NETO1: variants seen among roughly 807,000 people sequenced by gnomAD.
NETO1 encodes the protein neuropilin and tolloid like 1, also known as neuropilin and tolloid-like protein 1.
A neutral mutation model predicts 61.3 loss-of-function variants in NETO1; 26 were observed. The observed-to-expected ratio is 0.42, with a 90% CI of 0.31 to 0.59. NETO1 has a LOEUF of 0.59. NETO1 is among the 20% of genes least tolerant of loss of function. The pLI, the probability that NETO1 is intolerant of heterozygous loss-of-function variation, is 0.12. For missense variants in NETO1, 531 were observed against 662.8 expected (o/e 0.80, Z 2.18); for synonymous variants, 225 against 225.8 (o/e 1.00, Z 0.03).
intron 4 of NETO1, among the ~76,000 whole-genome samples, chr18:72,800,301 A>C (rs1308272796): frequency 6.6e-6 from 1 of 152,242 alleles, no homozygotes; most frequent in African/African-American, 2.4e-5. Context: ...AAATCTCCAT[A>C]CGTGCTGGAT....
intron 7 of NETO1, among the ~76,000 whole-genome samples, chr18:72,766,230 G>A (rs1000652370): frequency 4.9e-5 from 6 of 121,262 alleles, no homozygotes; most frequent in Non-Finnish European, 8.0e-5. Context: ...ATGTGTGTGT[G>A]TGTGTGTGTG....
chr18:72,821,575 A>AAAT (rs2145299747), intron 4 of NETO1, among the ~76,000 whole-genome samples: 1 of 151,736 alleles, frequency 6.6e-6, no homozygotes, highest in African/African-American at 2.4e-5. Flanking sequence ...AAAAAAAAAA[A>AAAT]AAGGAATCCT....
At chr18:72,758,958 T>A (rs993481112) in intron 7 of NETO1, among the ~76,000 whole-genome samples, 7 of 152,198 alleles carry the variant, frequency 4.6e-5, no homozygotes, top group Non-Finnish European at 1.0e-4. Context: ...TATATTGGGT[T>A]CCGAATTTCC....
At position 72,832,384 on chromosome 18, in the gene NETO1, A is replaced by T. The variant is rs186173051; in HGVS notation, c.469+26442T>A. Among the ~76,000 whole-genome samples, 188 of 152,330 alleles carry T rather than the reference A, an allele frequency of 1.2e-3. 1 individual carries two copies. The South Asian group carries it at 0.023, about 18-fold the overall frequency. Reference sequence around the variant, plus strand: ...AATTAGAGAAAGGTGCATTACACTCATAAAGATCAAGTTTTTTTCTTTTTC... The same window carrying T: ...AATTAGAGAAAGGTGCATTACACTCTTAAAGATCAAGTTTTTTTCTTTTTC... On this transcript the variant is annotated intron_variant, in intron 4 of 10. Coordinates refer to ENST00000327305, the MANE Select transcript of NETO1 (RefSeq NM_138966.5).
rs2145387367 is a variant in NETO1 at position 72,830,873 on chromosome 18, T to C, written c.469+27953A>G. On this transcript the variant is annotated intron_variant, in intron 4 of 10. Coordinates refer to ENST00000327305, the MANE Select transcript of NETO1 (RefSeq NM_138966.5). This position sits in a 1 kb window ranked among gnomAD's most constrained non-coding sequence, Gnocchi z 4.9. ...AGTTGTTCACTTTTTATCCCCTATT[T>C]TCTTCTCTGAACATTGAGTTTTCAT... Among the ~76,000 whole-genome samples the C allele has an allele frequency of 6.6e-6, 1 of 152,296 alleles. No individual in the cohort carries two copies. The highest frequency in any genetic ancestry group is 2.1e-4 in the South Asian group (1 of 4,830).
chr18:72,772,172 G>A (rs2071372502), intron 7 of NETO1, among the ~76,000 whole-genome samples: 1 of 133,834 alleles, frequency 7.5e-6, no homozygotes, highest in African/African-American at 2.5e-5. Context: ...TGTATAATAT[G>A]GCAGGCTGCT....
chr18:72,790,081 A>C lies in NETO1; in HGVS notation c.639+4036T>G. ...GAAAGTATTTTTGAATTAGTTAACC[A>C]CAAATTGAGTCAACTTTAAATATGA... On this transcript the variant is annotated intron_variant, in intron 6 of 10. Transcript: ENST00000327305. Among the ~76,000 whole-genome samples the C allele has an allele frequency of 2.0e-5, 3 of 152,300 alleles. No individual in the cohort carries two copies. In the South Asian group the frequency reaches 6.2e-4, roughly 32 times the overall value.
chr18:72,755,078 C>T (rs576565799), intron 8 of NETO1, among the ~76,000 whole-genome samples: 1 of 152,176 alleles, frequency 6.6e-6, no homozygotes. Context: ...CATCCATTCA[C>T]ATTTGTTGCA....
intron 3 of NETO1, among the ~76,000 whole-genome samples, chr18:72,863,103 G>A (rs1480416023): frequency 2.6e-5 from 4 of 151,988 alleles, no homozygotes; most frequent in Non-Finnish European, 5.9e-5. Context: ...TACTTCAATG[G>A]CACCTCATTG....
intron 8 of NETO1, among the ~76,000 whole-genome samples, chr18:72,753,675 A>T (rs1360787959): frequency 1.3e-5 from 2 of 152,236 alleles, no homozygotes; most frequent in Non-Finnish European, 2.9e-5. Context: ...TGCAAAGGAC[A>T]GTAGAGTGGC....
At chr18:72,757,949 C>T (rs1396757343) in intron 7 of NETO1, among the ~76,000 whole-genome samples, 2 of 151,850 alleles carry the variant, frequency 1.3e-5, no homozygotes, top group African/African-American at 4.8e-5. Context: ...TTGTAGTATA[C>T]GTTTTGAAAG....
At position 72,750,423 on chromosome 18, in the gene NETO1, C is replaced by A; in HGVS notation, c.1180G>T (p.Glu394Ter). The change falls in exon 9 of 11, where the codon GAG becomes TAG. Residue 394 changes from glutamate to a stop codon, truncating the protein, a stop_gained. Coordinates refer to ENST00000327305, the MANE Select transcript of NETO1 (RefSeq NM_138966.5). LOFTEE classifies it high-confidence loss of function. ...CCTGTCCCTCTGAGAGTGCATAACT[C>A]ATAATGAGGAGGTTCAAATACCTCC... ...FQEVFEPPHY[E>*]LCTLRGTGAT... is the part of the protein sequence containing the mutation. 6.2e-7 allele frequency: 1 copy of A among 1,614,084 alleles called. No homozygotes were observed. Among genetic ancestry groups the A allele is most frequent in the Non-Finnish European group, 8.5e-7 (1 of 1,179,998 alleles).
Position 72,756,060 on chromosome 18 carries a change from TAC to T in NETO1, c.954_955del (p.Tyr319SerfsTer4). ...TTTACAGTGATTTTCATCCCAAGGA[TAC>T]ACACAGTTCTGGAGTCCATTGCAGA... On this transcript the variant is annotated frameshift_variant, in exon 8 of 11. Transcript: ENST00000327305. LOFTEE classifies it high-confidence loss of function. 1 of 1,604,960 alleles carries T rather than the reference TAC, an allele frequency of 6.2e-7. No homozygotes were observed. Among genetic ancestry groups the T allele is most frequent in the Non-Finnish European group, 8.5e-7 (1 of 1,172,292 alleles).
chr18:72,796,889 T>A (rs1046787256), intron 4 of NETO1, among the ~76,000 whole-genome samples: 8 of 152,360 alleles, frequency 5.3e-5, no homozygotes, highest in Admixed American at 3.9e-4. Context: ...AATTTGTTTC[T>A]TCATCTAAAT....
intron 7 of NETO1, among the ~76,000 whole-genome samples, chr18:72,766,387 T>C (rs2071162262): frequency 1.3e-5 from 2 of 152,036 alleles, no homozygotes; most frequent in African/African-American, 2.4e-5. Context: ...AAAATTTCCC[T>C]TGTCAGCACA....
chr18:72,831,615 T>A (rs1445228933), intron 4 of NETO1, among the ~76,000 whole-genome samples: 3 of 152,238 alleles, frequency 2.0e-5, no homozygotes, highest in Admixed American at 6.5e-5. Context: ...TATCTTGTGA[T>A]CCAATGGTGA....
Position 72,747,317 on chromosome 18 carries a change from T to C in NETO1, c.*862A>G, listed in dbSNP as rs2070451924. ...AGAAATGGAAGAGTAACAACAGTAT[T>C]TGACAATGCATGCTTTTCACAATGT... is the stretch of plus-strand genomic sequence containing the variant. On this transcript the variant is annotated 3_prime_UTR_variant, in exon 11 of 11. Transcript: ENST00000327305. The C allele has an allele frequency of 6.6e-6, 1 of 152,076 alleles. No homozygotes were observed. The highest frequency in any genetic ancestry group is 2.4e-5 in the African/African-American group (1 of 41,442). The allele number at this position is 152,076 out of a possible 1,614,324, so 9.4% of individuals were successfully genotyped here. A position where few individuals can be genotyped will look rare whatever the true frequency, so the allele number is the denominator to read the frequency against.
intron 7 of NETO1, among the ~76,000 whole-genome samples, chr18:72,764,727 A>G (rs1387175510): frequency 6.6e-6 from 1 of 152,164 alleles, no homozygotes; most frequent in Non-Finnish European, 1.5e-5. Flanking sequence ...CCTAAGCAAA[A>G]TGATTATCAC....
At chr18:72,810,023 T>TA (rs936213414) in intron 4 of NETO1, among the ~76,000 whole-genome samples, 1 of 152,190 alleles carries the variant, frequency 6.6e-6, no homozygotes, top group Non-Finnish European at 1.5e-5. Flanking sequence ...AAACTTTTTC[T>TA]AAAAAAATAA....
Sources: allele counts gnomAD v4.1 joint callset (sites outside exome capture counted in the v4.1 genomes callset), GRCh38; gene constraint gnomAD v4.1.1; non-coding constraint Gnocchi (gnomAD v3.1); transcripts MANE v1.5; gene names NCBI Gene and HGNC (gene_info 2026-07-23, HGNC 2026-07-21).